The following ETFA variants were observed in gnomAD, a reference collection of about 807,000 sequenced individuals.
ETFA encodes the protein electron transfer flavoprotein subunit alpha, also known as electron transfer flavoprotein subunit alpha, mitochondrial.
ETFA carries 22 observed loss-of-function variants against 46.2 expected under a neutral mutation model. The ratio of observed to expected loss-of-function variants is 0.48; its 90% CI spans 0.34 to 0.68. The LOEUF (loss-of-function observed/expected upper bound fraction) is 0.68, where lower values mean the gene tolerates loss of function less well. Ranked by LOEUF, ETFA falls within the 30% of genes least tolerant of loss-of-function variation. The probability of loss-of-function intolerance (pLI) is 0.01; values close to 1 mark genes in which losing one functional copy is unlikely to be tolerated. For missense variants in ETFA, 345 were observed against 401.1 expected, an observed-to-expected ratio of 0.86 and a Z score of 1.19; for synonymous variants, 131 against 139.9, an observed-to-expected ratio of 0.94 and a Z score of 0.45.
intron 1 of ETFA, among the ~76,000 whole-genome samples, chr15:76,306,221 C>T (rs1379014406): frequency 6.7e-6 from 1 of 150,338 alleles, no homozygotes; most frequent in Non-Finnish European, 1.5e-5. Flanking sequence ...TCTTTGGAAA[C>T]TAGGTGTAAT....
chr15:76,291,843 G>C (rs1186293644), intron 4 of ETFA, among the ~76,000 whole-genome samples: 1 of 152,048 alleles, frequency 6.6e-6, no homozygotes, highest in Admixed American at 6.5e-5. Context: ...CGGCCACAGA[G>C]AGAGAGCAAG....
At chr15:76,243,213 T>G (rs1449438020) in intron 9 of ETFA, among the ~76,000 whole-genome samples, 2 of 151,248 alleles carry the variant, frequency 1.3e-5, no homozygotes, top group Non-Finnish European at 2.9e-5. Flanking sequence ...GAGAATTGCT[T>G]GAACCCGAGA....
chr15:76,281,026 C>T (rs1458867202), intron 8 of ETFA, among the ~76,000 whole-genome samples: 4 of 151,302 alleles, frequency 2.6e-5, no homozygotes, highest in East Asian at 1.9e-4. Flanking sequence ...GTGATCCTGC[C>T]GCCTCAGCCT....
At chr15:76,249,292 C>A (rs2039273236) in intron 9 of ETFA, among the ~76,000 whole-genome samples, 1 of 151,936 alleles carries the variant, frequency 6.6e-6, no homozygotes. Context: ...CCACGCCTGG[C>A]TAATTTTGTA....
chr15:76,229,824 A>C (rs2039045936), intron 10 of ETFA, among the ~76,000 whole-genome samples: 1 of 152,210 alleles, frequency 6.6e-6, no homozygotes, highest in Admixed American at 6.5e-5. Context: ...CTTCCATCTG[A>C]ATGGATAAAT....
intron 9 of ETFA, among the ~76,000 whole-genome samples, chr15:76,232,968 GAA>G (rs994062027): frequency 6.6e-6 from 1 of 152,162 alleles, no homozygotes; most frequent in African/African-American, 2.4e-5. Context: ...ATGTAACCTG[GAA>G]AAGGAAACAA....
intron 11 of ETFA, among the ~76,000 whole-genome samples, chr15:76,220,713 G>C (rs2038948460): frequency 6.6e-6 from 1 of 152,086 alleles, no homozygotes; most frequent in African/African-American, 2.4e-5. Context: ...TGGCCAATAA[G>C]CAGATGAAAA....
chr15:76,260,794 C>T, intron 9 of ETFA: 1 of 1,606,960 alleles, frequency 6.2e-7, no homozygotes, highest in East Asian at 2.2e-5. Context: ...GGAGAGGGCC[C>T]CAAAGCATTG....
intron 9 of ETFA, among the ~76,000 whole-genome samples, chr15:76,254,880 C>T (rs756443607): frequency 4.1e-4 from 63 of 152,162 alleles, no homozygotes; most frequent in Non-Finnish European, 7.5e-4. Flanking sequence ...TCTATAATTT[C>T]ATTATTGTTC....
intron 9 of ETFA, chr15:76,258,839 C>T (rs1023270842): frequency 7.5e-5 from 46 of 613,580 alleles, no homozygotes; most frequent in Non-Finnish European, 1.2e-4. Context: ...GTGATTTGGT[C>T]AGTCCAGGCT....
At chr15:76,266,570 C>G (rs2039472398) in intron 9 of ETFA, among the ~76,000 whole-genome samples, 1 of 152,138 alleles carries the variant, frequency 6.6e-6, no homozygotes, top group South Asian at 2.1e-4. Flanking sequence ...CTTTCAATAT[C>G]AAGGAATGAA....
chr15:76,268,061 A>G (rs1470752315), intron 9 of ETFA, among the ~76,000 whole-genome samples: 1 of 152,096 alleles, frequency 6.6e-6, no homozygotes, highest in Non-Finnish European at 1.5e-5. Flanking sequence ...TGGTTTCTCT[A>G]TGCCTTCTGT....
chr15:76,234,318 C>T (rs751372269), intron 9 of ETFA, among the ~76,000 whole-genome samples: 3 of 152,052 alleles, frequency 2.0e-5, no homozygotes, highest in Non-Finnish European at 1.5e-5. Context: ...GGCAATTAGA[C>T]TAATATCTTA....
intron 9 of ETFA, among the ~76,000 whole-genome samples, chr15:76,270,353 C>G (rs550220500): frequency 6.6e-6 from 1 of 152,236 alleles, no homozygotes; most frequent in African/African-American, 2.4e-5. Context: ...CCAAAATTAA[C>G]CCTGTGGTAT....
intron 9 of ETFA, among the ~76,000 whole-genome samples, chr15:76,242,332 A>C (rs1388855377): frequency 6.6e-6 from 1 of 152,210 alleles, no homozygotes; most frequent in Non-Finnish European, 1.5e-5. Flanking sequence ...CCTGACTTCC[A>C]AGTAGTATTC....
chr15:76,283,406 G>T (rs903594470), intron 8 of ETFA, among the ~76,000 whole-genome samples: 1 of 152,122 alleles, frequency 6.6e-6, no homozygotes, highest in Non-Finnish European at 1.5e-5. Context: ...TGCTAGGGCT[G>T]GTCTCAAATT....
chr15:76,305,576 A>G (rs1312729724), intron 1 of ETFA, among the ~76,000 whole-genome samples: 1 of 152,198 alleles, frequency 6.6e-6, no homozygotes, highest in East Asian at 1.9e-4. Context: ...TGCCAGCCAC[A>G]TACCCATATA....
At chr15:76,305,834 G>A (rs1239428162) in intron 1 of ETFA, among the ~76,000 whole-genome samples, 2 of 150,534 alleles carry the variant, frequency 1.3e-5, no homozygotes, top group South Asian at 2.1e-4. Context: ...ACACATTTTG[G>A]TCCTTCTCTT....
At chr15:76,245,035 A>T (rs2039231529) in intron 9 of ETFA, among the ~76,000 whole-genome samples, 1 of 152,226 alleles carries the variant, frequency 6.6e-6, no homozygotes. Flanking sequence ...GATATAATTA[A>T]AACTCCTAGT....
Sources: allele counts gnomAD v4.1 joint callset (sites outside exome capture counted in the v4.1 genomes callset), GRCh38; gene constraint gnomAD v4.1.1; transcripts MANE v1.5; gene names NCBI Gene and HGNC (gene_info 2026-07-23, HGNC 2026-07-21).